The following HS3ST3B1 variants were observed in gnomAD, a reference collection of about 807,000 sequenced individuals.
HS3ST3B1 encodes heparan sulfate-glucosamine 3-sulfotransferase 3B1.
HS3ST3B1 carries 13 observed loss-of-function variants against 21.3 expected under a neutral mutation model. That is an observed-to-expected ratio of 0.61 (90% CI 0.40 to 0.97). The LOEUF (loss-of-function observed/expected upper bound fraction) is 0.97, where lower values mean the gene tolerates loss of function less well. HS3ST3B1 is among the 50% of genes least tolerant of loss of function. The pLI is 0.00. For missense variants in HS3ST3B1, 459 were observed against 554.8 expected (o/e 0.83, Z 1.73); for synonymous variants, 234 against 254.8 (o/e 0.92, Z 0.78).
chr17:14,317,472 A>G (rs184196697), intron 1 of HS3ST3B1, among the ~76,000 whole-genome samples: 1 of 152,334 alleles, frequency 6.6e-6, no homozygotes, highest in Admixed American at 6.5e-5. Flanking sequence ...AGAGGTGTAT[A>G]GAACAAAGTA....
intron 1 of HS3ST3B1, among the ~76,000 whole-genome samples, chr17:14,332,708 A>T (rs941438698): frequency 3.3e-5 from 5 of 151,636 alleles, no homozygotes; most frequent in African/African-American, 1.2e-4. Flanking sequence ...GGAGCTAAGG[A>T]TCCAGCTCCA....
At chr17:14,317,518 C>T (rs1249107646) in intron 1 of HS3ST3B1, among the ~76,000 whole-genome samples, 1 of 152,022 alleles carries the variant, frequency 6.6e-6, no homozygotes, top group Non-Finnish European at 1.5e-5. Context: ...AGAAAGAGGC[C>T]CAGAGAAAAA....
At chr17:14,309,348 G>T (rs1443769219) in intron 1 of HS3ST3B1, among the ~76,000 whole-genome samples, 1 of 152,150 alleles carries the variant, frequency 6.6e-6, no homozygotes, top group African/African-American at 2.4e-5. Context: ...CCCGCCCCTA[G>T]GCTGGCCGGG....
intron 1 of HS3ST3B1, among the ~76,000 whole-genome samples, chr17:14,340,345 A>G (rs1018617671): frequency 6.6e-6 from 1 of 152,008 alleles, no homozygotes; most frequent in Non-Finnish European, 1.5e-5. Context: ...GAGTCCTATT[A>G]GATCGGTTTA....
intron 1 of HS3ST3B1, among the ~76,000 whole-genome samples, chr17:14,320,743 A>G (rs1415617037): frequency 1.3e-5 from 2 of 152,122 alleles, no homozygotes; most frequent in Non-Finnish European, 2.9e-5. Context: ...GTCTGGAAGG[A>G]GTCTTTCATT....
intron 1 of HS3ST3B1, among the ~76,000 whole-genome samples, chr17:14,320,474 C>T (rs1303993571): frequency 1.3e-5 from 2 of 151,934 alleles, no homozygotes; most frequent in African/African-American, 2.4e-5. Flanking sequence ...TGAGGGGAGT[C>T]GAGGATGTTT....
chr17:14,310,873 G>A (rs1909284867), intron 1 of HS3ST3B1, among the ~76,000 whole-genome samples: 1 of 152,180 alleles, frequency 6.6e-6, no homozygotes, highest in African/African-American at 2.4e-5. Context: ...TAAACATCCT[G>A]TTCCCACCGA....
intron 1 of HS3ST3B1, among the ~76,000 whole-genome samples, chr17:14,324,168 T>C (rs555631143): frequency 1.3e-5 from 2 of 152,204 alleles, no homozygotes; most frequent in South Asian, 4.2e-4. Flanking sequence ...TTTTTACACA[T>C]GGAGACAGGA....
intron 1 of HS3ST3B1, among the ~76,000 whole-genome samples, chr17:14,321,051 C>T (rs1909644098): frequency 6.6e-6 from 1 of 152,192 alleles, no homozygotes; most frequent in African/African-American, 2.4e-5. Flanking sequence ...AAGAAAGTCT[C>T]ACTCCTTTTG....
chr17:14,326,856 G>A (rs1425057748), intron 1 of HS3ST3B1, among the ~76,000 whole-genome samples: 2 of 150,710 alleles, frequency 1.3e-5, no homozygotes, highest in African/African-American at 4.9e-5. Flanking sequence ...GGGAGGTGGA[G>A]GTTGCAGTGA....
rs1910519633 is a variant in HS3ST3B1, at chr17:14,345,259, C to T, written c.786C>T (p.Gly262=). ...ESLTFKNRTA[G]LIDTSWSAIQ... is the part of the protein sequence containing the mutation. ...TGACGTTCAAAAACAGGACAGCGGGCCTCATCGACACGTCGTGGAGCGCCA... is the reference window on the plus strand; with the variant it reads ...TGACGTTCAAAAACAGGACAGCGGGTCTCATCGACACGTCGTGGAGCGCCA... Residue 262 remains glycine, a synonymous_variant, in exon 2 of 2, where the codon GGC becomes GGT. Coordinates refer to ENST00000360954, the MANE Select transcript of HS3ST3B1 (RefSeq NM_006041.3). The T allele has an allele frequency of 7.8e-7, 1 of 1,278,696 alleles. No homozygotes were observed. The highest frequency in any genetic ancestry group is 1.4e-5 in the African/African-American group (1 of 70,344). The allele number at this position is 1,278,696 out of a possible 1,614,324, so 79.2% of individuals were successfully genotyped here.
chr17:14,326,227 G>A (rs1420853231), intron 1 of HS3ST3B1, among the ~76,000 whole-genome samples: 1 of 152,196 alleles, frequency 6.6e-6, no homozygotes, highest in Non-Finnish European at 1.5e-5. Flanking sequence ...GGTGCTTCCT[G>A]ATAGCTGGGG....
intron 1 of HS3ST3B1, among the ~76,000 whole-genome samples, chr17:14,342,662 C>T (rs1391266487): frequency 2.6e-5 from 4 of 152,156 alleles, no homozygotes; most frequent in African/African-American, 7.2e-5. Context: ...TCCATGAATA[C>T]GTATTGGTGG....
Position 14,301,735 on chromosome 17 carries a change from G to T in HS3ST3B1, c.217G>T (p.Asp73Tyr), listed in dbSNP as rs1303690523. The part of the protein sequence containing the change: ...LLGSGSRAAH[D>Y]PPALATAPDG... The stretch of plus-strand genomic sequence containing the variant: ...GGGCTCTGGGTCCCGCGCCGCACAC[G>T]ACCCGCCAGCCCTGGCCACAGCTCC... The change falls in exon 1 of 2, where the codon GAC (aspartate) becomes TAC (tyrosine). Residue 73 changes from aspartate (D) to tyrosine (Y), a missense_variant. Coordinates refer to ENST00000360954, the MANE Select transcript of HS3ST3B1 (RefSeq NM_006041.3). 4.4e-6 allele frequency: 7 copies of T among 1,597,562 alleles called. No homozygotes were observed. The highest frequency in any genetic ancestry group is 4.3e-6 in the Non-Finnish European group (5 of 1,174,112).
intron 1 of HS3ST3B1, among the ~76,000 whole-genome samples, chr17:14,315,752 C>T (rs956782248): frequency 6.6e-6 from 1 of 150,734 alleles, no homozygotes; most frequent in South Asian, 2.1e-4. Context: ...ACCCAGGAGG[C>T]AGAGGTTGTA....
rs1428976214 is a variant in HS3ST3B1 at position 14,301,773 on chromosome 17, C to T, written c.255C>T (p.Pro85=). The T allele has an allele frequency of 6.4e-7, 1 of 1,566,912 alleles. No homozygotes were observed. The highest frequency in any genetic ancestry group is 2.3e-5 in the East Asian group (1 of 42,948). Residue 85 remains proline, a synonymous_variant, in exon 1 of 2, where the codon CCC becomes CCT. Transcript: ENST00000360954. The part of the protein sequence containing the change: ...PALATAPDGT[P]PRLPFRAPPA... ...TGGCCACAGCTCCGGACGGGACGCCCCCCAGGCTGCCGTTCCGGGCGCCGC... is the reference window on the plus strand; with the variant it reads ...TGGCCACAGCTCCGGACGGGACGCCTCCCAGGCTGCCGTTCCGGGCGCCGC...
intron 1 of HS3ST3B1, among the ~76,000 whole-genome samples, chr17:14,309,338 C>G (rs1392643131): frequency 2.0e-5 from 3 of 152,222 alleles, no homozygotes; most frequent in Admixed American, 1.3e-4. Flanking sequence ...GGCCGCCTCC[C>G]CCGCCCCTAG....
chr17:14,336,154 C>CA (rs1910180697), intron 1 of HS3ST3B1, among the ~76,000 whole-genome samples: 1 of 152,164 alleles, frequency 6.6e-6, no homozygotes, highest in South Asian at 2.1e-4. Flanking sequence ...TACCCCAACT[C>CA]AATGTGGGCT....
intron 1 of HS3ST3B1, chr17:14,329,102 G>A (rs1375341643): frequency 6.6e-6 from 1 of 152,084 alleles, no homozygotes; most frequent in African/African-American, 2.4e-5. Flanking sequence ...TCAGACTTAA[G>A]TCAAGCGCTG....
Sources: allele counts gnomAD v4.1 joint callset (sites outside exome capture counted in the v4.1 genomes callset), GRCh38; gene constraint gnomAD v4.1.1; transcripts MANE v1.5; gene names NCBI Gene and HGNC (gene_info 2026-07-23, HGNC 2026-07-21).